Variants in ABTB3 observed in about 807,000 individuals in gnomAD.
ABTB3 encodes ankyrin repeat and BTB domain containing 3.
the ABTB3 span, among the ~76,000 whole-genome samples, chr12:107,515,174 C>T: frequency 6.6e-6 from 1 of 152,204 alleles, no homozygotes; most frequent in Non-Finnish European, 1.5e-5. Context: ...GACTGAAGCT[C>T]TGGATTCCAG....
the ABTB3 span, chr12:107,640,407 C>T: frequency 6.4e-7 from 1 of 1,566,512 alleles, no homozygotes; most frequent in Non-Finnish European, 8.7e-7. Context: ...TTTACAGCCT[C>T]TCCAAGGTAC....
At chr12:107,473,805 C>CTT in the ABTB3 span, among the ~76,000 whole-genome samples, 867 of 142,294 alleles carry the variant, frequency 6.1e-3, 18 homozygotes, top group East Asian at 0.046. Context: ...TTTTCTTTTT[C>CTT]TTTTTTTTTT....
At chr12:107,533,918 T>A in the ABTB3 span, among the ~76,000 whole-genome samples, 1 of 152,226 alleles carries the variant, frequency 6.6e-6, no homozygotes, top group Non-Finnish European at 1.5e-5. Flanking sequence ...TGAAATCATA[T>A]CAAGTATCTT....
chr12:107,548,281 T>C, the ABTB3 span, among the ~76,000 whole-genome samples: 2 of 152,242 alleles, frequency 1.3e-5, no homozygotes, highest in Non-Finnish European at 2.9e-5. Flanking sequence ...GATGCTTATA[T>C]GGTTTTCCTC....
the ABTB3 span, among the ~76,000 whole-genome samples, chr12:107,360,349 G>A: frequency 3.9e-5 from 6 of 152,178 alleles, no homozygotes; most frequent in Non-Finnish European, 8.8e-5. Flanking sequence ...CCATCTGGGG[G>A]ACAGCAAGAG....
chr12:107,561,977 C>G, the ABTB3 span, among the ~76,000 whole-genome samples: 1 of 152,170 alleles, frequency 6.6e-6, no homozygotes, highest in East Asian at 1.9e-4. Context: ...TCCCATTAGA[C>G]TTTGTGCATT....
chr12:107,607,675 G>A, the ABTB3 span, among the ~76,000 whole-genome samples: 1 of 152,160 alleles, frequency 6.6e-6, no homozygotes, highest in South Asian at 2.1e-4. Flanking sequence ...CTTGGAGTCC[G>A]TCTGCGTCCC....
At chr12:107,386,399 C>T in the ABTB3 span, among the ~76,000 whole-genome samples, 1 of 152,218 alleles carries the variant, frequency 6.6e-6, no homozygotes, top group Non-Finnish European at 1.5e-5. Flanking sequence ...GCTGTATCCC[C>T]AGTGCATAGC....
chr12:107,401,278 G>A, the ABTB3 span, among the ~76,000 whole-genome samples: 65 of 152,274 alleles, frequency 4.3e-4, no homozygotes, highest in Middle Eastern at 3.4e-3. Context: ...AGGTGATTAC[G>A]TAACCCCAGC....
the ABTB3 span, among the ~76,000 whole-genome samples, chr12:107,439,908 A>G: frequency 3.9e-5 from 6 of 152,014 alleles, no homozygotes; most frequent in East Asian, 3.9e-4. Flanking sequence ...TTAAATGTCA[A>G]CCTGCTGGTA....
chr12:107,591,827 G>T, the ABTB3 span, among the ~76,000 whole-genome samples: 24 of 152,242 alleles, frequency 1.6e-4, 1 homozygote, highest in African/African-American at 5.8e-4. Flanking sequence ...CCCTACAAGG[G>T]GCTTCCTTTT....
the ABTB3 span, among the ~76,000 whole-genome samples, chr12:107,445,381 G>T: frequency 1.3e-5 from 2 of 152,204 alleles, no homozygotes; most frequent in South Asian, 4.1e-4. Flanking sequence ...GCCACTGAAG[G>T]TATGAAAATG....
At chr12:107,441,154 C>T in the ABTB3 span, among the ~76,000 whole-genome samples, 6 of 152,078 alleles carry the variant, frequency 3.9e-5, no homozygotes, top group South Asian at 2.1e-4. Context: ...CGTGGCCACA[C>T]GCACGCACAT....
At chr12:107,576,705 G>A in the ABTB3 span, among the ~76,000 whole-genome samples, 1 of 152,190 alleles carries the variant, frequency 6.6e-6, no homozygotes, top group Non-Finnish European at 1.5e-5. Context: ...AGTTTAGCAT[G>A]TGAGATGAAT....
chr12:107,347,460 A>G, the ABTB3 span, among the ~76,000 whole-genome samples: 1 of 147,246 alleles, frequency 6.8e-6, no homozygotes, highest in African/African-American at 2.4e-5. Flanking sequence ...CTGGCAGTTC[A>G]TCTGTGATGC....
At chr12:107,593,980 G>A in the ABTB3 span, among the ~76,000 whole-genome samples, 3 of 152,198 alleles carry the variant, frequency 2.0e-5, no homozygotes, top group Non-Finnish European at 1.5e-5. Flanking sequence ...GTAGTCTTTA[G>A]TTGAGCAGCC....
chr12:107,582,741 C>A, the ABTB3 span, among the ~76,000 whole-genome samples: 4 of 152,188 alleles, frequency 2.6e-5, no homozygotes, highest in Non-Finnish European at 5.9e-5. Flanking sequence ...TGTGGTCCTA[C>A]TCTAAGTCCA....
chr12:107,535,624 A>G, the ABTB3 span, among the ~76,000 whole-genome samples: 3 of 152,206 alleles, frequency 2.0e-5, no homozygotes, highest in Non-Finnish European at 4.4e-5. Flanking sequence ...TATGCCAATA[A>G]CAAACTAGTT....
At chr12:107,598,583 C>A in the ABTB3 span, among the ~76,000 whole-genome samples, 1 of 152,180 alleles carries the variant, frequency 6.6e-6, no homozygotes, top group African/African-American at 2.4e-5. Context: ...CCCAGGTGAT[C>A]TTCTTGGCCA....
Sources: allele counts gnomAD v4.1 joint callset (sites outside exome capture counted in the v4.1 genomes callset), GRCh38; gene constraint gnomAD v4.1.1; transcripts MANE v1.5; gene names NCBI Gene and HGNC (gene_info 2026-07-23, HGNC 2026-07-21).